The following PTPRA variants were observed in gnomAD, a reference collection of about 807,000 sequenced individuals.
PTPRA encodes the protein protein tyrosine phosphatase receptor type A.
In PTPRA, 25 loss-of-function variants were observed where a neutral mutation model predicts 104.8. The observed-to-expected ratio is 0.24, with a 90% CI of 0.17 to 0.33. PTPRA has a LOEUF of 0.33. Among genes scored for constraint, PTPRA ranks in the 10% least tolerant of loss-of-function variants. PTPRA has a pLI of 1.00. For synonymous variants in PTPRA, 323 were observed against 368.9 expected, an observed-to-expected ratio of 0.88 and a Z score of 1.43; for missense variants, 765 against 1,015.3, an observed-to-expected ratio of 0.75 and a Z score of 3.35.
intron 3 of PTPRA, among the ~76,000 whole-genome samples, chr20:2,956,940 G>A (rs1185731727): frequency 2.0e-5 from 3 of 152,160 alleles, no homozygotes; most frequent in Non-Finnish European, 1.5e-5. Context: ...TCAAACTCTT[G>A]CCAATGCAGC....
Position 3,022,594 on chromosome 20 carries a change from C to A in PTPRA, c.1329-95C>A. The A allele has an allele frequency of 6.5e-7, 1 of 1,539,432 alleles. No individual in the cohort carries two copies. On this transcript the variant is annotated intron_variant, in intron 15 of 23. Coordinates refer to ENST00000399903, the MANE Select transcript of PTPRA (RefSeq NM_001385305.1). This position sits in a 1 kb window ranked among gnomAD's most constrained non-coding sequence, Gnocchi z 4.6. Reference sequence around the variant, plus strand: ...ACCCCATTCAGAATTAGGATTTAGACCCTGAAGGAAGAGCCCCTGCCTGTG... The same window carrying A: ...ACCCCATTCAGAATTAGGATTTAGAACCTGAAGGAAGAGCCCCTGCCTGTG...
At chr20:3,025,125 C>T (rs574801964) in intron 17 of PTPRA, among the ~76,000 whole-genome samples, 1 of 152,316 alleles carries the variant, frequency 6.6e-6, no homozygotes, top group East Asian at 1.9e-4. Context: ...TGGTTCTCAA[C>T]ACACCTAAGG....
chr20:2,943,125 A>G (rs2147683734), intron 2 of PTPRA, among the ~76,000 whole-genome samples: 1 of 151,336 alleles, frequency 6.6e-6, no homozygotes, highest in Non-Finnish European at 1.5e-5. Flanking sequence ...CATAGCCTGC[A>G]TGTATAGGAA....
At chr20:3,014,232 C>CT (rs765338158) in intron 11 of PTPRA, among the ~76,000 whole-genome samples, 8 of 152,198 alleles carry the variant, frequency 5.3e-5, no homozygotes, top group South Asian at 4.1e-4. Context: ...TCAATGAAAA[C>CT]TTTAACAAGT....
chr20:3,010,678 C>T (rs1374459524), intron 11 of PTPRA, among the ~76,000 whole-genome samples: 1 of 152,152 alleles, frequency 6.6e-6, no homozygotes, highest in Non-Finnish European at 1.5e-5. Flanking sequence ...GCATCCAGCA[C>T]AGAAGAGGAA....
intron 16 of PTPRA, among the ~76,000 whole-genome samples, chr20:3,023,609 T>C (rs951252124): frequency 1.3e-5 from 2 of 152,212 alleles, no homozygotes; most frequent in Non-Finnish European, 2.9e-5. Flanking sequence ...CTTAAACTTA[T>C]TTATGACACA....
At chr20:2,883,651 C>CAAAAAAAAAA (rs71195803) in intron 1 of PTPRA, among the ~76,000 whole-genome samples, 1 of 3,250 alleles carries the variant, frequency 3.1e-4, no homozygotes, top group Non-Finnish European at 4.5e-4. Flanking sequence ...GACTCCGTCT[C>CAAAAAAAAAA]AAAAAAAAAA....
intron 9 of PTPRA, among the ~76,000 whole-genome samples, chr20:3,002,135 G>A (rs1282234542): frequency 6.6e-6 from 1 of 150,964 alleles, no homozygotes; most frequent in Non-Finnish European, 1.5e-5. Flanking sequence ...GCGAGACCCT[G>A]TCTCCAAAAA....
At chr20:2,932,238 AT>A (rs2147520472) in intron 2 of PTPRA, among the ~76,000 whole-genome samples, 1 of 152,326 alleles carries the variant, frequency 6.6e-6, no homozygotes, top group African/African-American at 2.4e-5. Flanking sequence ...TTATTTGTAG[AT>A]TTGAGAACGA....
chr20:2,906,845 T>A (rs2059444336), intron 1 of PTPRA, among the ~76,000 whole-genome samples: 1 of 152,214 alleles, frequency 6.6e-6, no homozygotes, highest in Non-Finnish European at 1.5e-5. Flanking sequence ...ATTAGGTTTT[T>A]CTTATAACAT....
At chr20:2,882,014 A>G (rs995875896) in intron 1 of PTPRA, among the ~76,000 whole-genome samples, 1 of 152,144 alleles carries the variant, frequency 6.6e-6, no homozygotes, top group African/African-American at 2.4e-5. Context: ...AAAAAAGAAA[A>G]AAGACAAAAA....
chr20:2,866,147 C>T, the PTPRA span: 9 of 1,453,776 alleles, frequency 6.2e-6, no homozygotes, highest in Admixed American at 3.6e-5. Context: ...CGCCTCTGCT[C>T]GTAAGAGAGA....
chr20:2,968,158 G>A (rs1324600395), intron 5 of PTPRA, among the ~76,000 whole-genome samples: 1 of 152,132 alleles, frequency 6.6e-6, no homozygotes, highest in Non-Finnish European at 1.5e-5. Context: ...GAGAAAAGGG[G>A]TCCATGGGAG....
intron 2 of PTPRA, among the ~76,000 whole-genome samples, chr20:2,943,067 C>T (rs1244988295): frequency 6.6e-6 from 1 of 151,366 alleles, no homozygotes; most frequent in Admixed American, 6.6e-5. Context: ...TCCCTCTTGC[C>T]AAGTTATAGA....
rs980623878 is a variant in PTPRA, at chr20:2,937,345, G to A, written c.-49-10637G>A. On this transcript the variant is annotated intron_variant, in intron 2 of 23. Transcript: ENST00000399903. ...TCACCATGTTGGCCAGGATGGTCTC[G>A]ATTTCCTGACCTCGTGATCTGCCGG... Among the ~76,000 whole-genome samples, 48 of 151,788 alleles carry A rather than the reference G, an allele frequency of 3.2e-4. 1 individual carries two copies. The highest frequency in any genetic ancestry group is 1.9e-4 in the East Asian group (1 of 5,172).
chr20:2,890,144 G>C (rs533482855), intron 1 of PTPRA, among the ~76,000 whole-genome samples: 1 of 149,532 alleles, frequency 6.7e-6, no homozygotes, highest in East Asian at 2.0e-4. Context: ...CAGTCCTCCC[G>C]CCTCAGCCTG....
intron 1 of PTPRA, among the ~76,000 whole-genome samples, chr20:2,915,882 G>A (rs574543195): frequency 6.6e-6 from 1 of 152,238 alleles, no homozygotes; most frequent in East Asian, 1.9e-4. Flanking sequence ...GTTGAGGCAG[G>A]AAAATTACTT....
intron 2 of PTPRA, among the ~76,000 whole-genome samples, chr20:2,940,263 A>G (rs1354526460): frequency 6.6e-6 from 1 of 152,032 alleles, no homozygotes; most frequent in African/African-American, 2.4e-5. Flanking sequence ...AGTCTTTCAA[A>G]TACAAATAAC....
intron 1 of PTPRA, among the ~76,000 whole-genome samples, chr20:2,874,824 A>T (rs368408374): frequency 1.3e-5 from 2 of 151,902 alleles, no homozygotes; most frequent in East Asian, 3.9e-4. Flanking sequence ...GCCTCAATTT[A>T]CTCCTTTACT....
Sources: gnomAD v4.1 joint callset for allele counts (sites outside exome capture counted in the v4.1 genomes callset) on GRCh38, gnomAD v4.1.1 for gene constraint, Gnocchi (gnomAD v3.1) non-coding constraint, MANE v1.5 for transcripts, NCBI Gene and HGNC (gene_info 2026-07-23, HGNC 2026-07-21) for gene names.